ANP32B: variants seen among roughly 807,000 people sequenced by gnomAD.
The protein encoded by ANP32B is acidic leucine-rich nuclear phosphoprotein 32 family member B.
ANP32B carries 6 observed loss-of-function variants against 32.2 expected under a neutral mutation model. The observed-to-expected ratio is 0.19, with a 90% CI of 0.10 to 0.37. The LOEUF is 0.37. Among genes scored for constraint, ANP32B ranks in the 10% least tolerant of loss-of-function variants. The pLI is 1.00. For synonymous variants in ANP32B, 98 were observed against 105.8 expected (o/e 0.93, Z 0.45); for missense variants, 204 against 289.2 (o/e 0.71, Z 2.14).
At chr9:97,993,550 C>A (rs1316247134) in intron 1 of ANP32B, among the ~76,000 whole-genome samples, 16 of 152,196 alleles carry the variant, frequency 1.1e-4, no homozygotes, top group Admixed American at 1.0e-3. Flanking sequence ...TCAGGATGAT[C>A]ATAGAGCAAG....
chr9:97,985,048 G>C (rs2131578280), intron 1 of ANP32B, among the ~76,000 whole-genome samples: 1 of 150,296 alleles, frequency 6.7e-6, no homozygotes, highest in East Asian at 2.0e-4. Context: ...GGTTTAGCGC[G>C]GCTGCCCGCC....
At chr9:98,005,572 G>C (rs923728973) in intron 4 of ANP32B, among the ~76,000 whole-genome samples, 1 of 151,930 alleles carries the variant, frequency 6.6e-6, no homozygotes, top group Non-Finnish European at 1.5e-5. Context: ...GTGTGTGTTT[G>C]TGTGCGTGCG....
chr9:97,995,931 A>T (rs756271443), intron 2 of ANP32B, among the ~76,000 whole-genome samples: 239 of 113,756 alleles, frequency 2.1e-3, no homozygotes, highest in African/African-American at 0.01. Context: ...GTCTCGATTT[A>T]AAAAAAAAAA....
At chr9:97,983,824 G>A (rs561558147) in intron 1 of ANP32B, among the ~76,000 whole-genome samples, 11 of 152,112 alleles carry the variant, frequency 7.2e-5, no homozygotes, top group African/African-American at 2.4e-4. Context: ...GCCGGGGGGA[G>A]GCAGCGGTGT....
intron 2 of ANP32B, among the ~76,000 whole-genome samples, chr9:97,996,131 A>G (rs1827902458): frequency 6.6e-6 from 1 of 152,120 alleles, no homozygotes; most frequent in South Asian, 2.1e-4. Flanking sequence ...TTATATTTGC[A>G]TGGGTTATCA....
rs374883415 is a variant in ANP32B, at chr9:98,005,064, C to T, written c.428C>T (p.Thr143Ile). 6.2e-7 allele frequency: 1 copy of T among 1,613,890 alleles called. No individual in the cohort carries two copies. The change falls in exon 4 of 7, where the codon ACC becomes ATC. Residue 143 changes from threonine to isoleucine, a missense_variant. Transcript: ENST00000339399. ...ESVFKLLPQL[T>I]YLDGYDREDQ... ...GTCTTCAAGCTCCTGCCCCAGCTTACCTACTTGGATGGCTATGACCGAGAG... is the reference window on the plus strand; with the variant it reads ...GTCTTCAAGCTCCTGCCCCAGCTTATCTACTTGGATGGCTATGACCGAGAG...
At position 97,983,473 on chromosome 9, in the gene ANP32B, C is replaced by A. The variant is rs1319295771; in HGVS notation, c.-83C>A. ...GCCGCTAGCAAACCCTTCCGACGGC[C>A]CTCGCTGCGCAAGCCGGGACGCCTC... On this transcript the variant is annotated 5_prime_UTR_variant, in exon 1 of 7. Coordinates refer to ENST00000339399, the MANE Select transcript of ANP32B (RefSeq NM_006401.3). 1.5e-6 allele frequency: 2 copies of A among 1,295,958 alleles called. No homozygotes were observed. Among genetic ancestry groups the A allele is most frequent in the Non-Finnish European group, 1.1e-6 (1 of 929,182 alleles). 80.3% of individuals were successfully genotyped at this position (1,295,958 alleles called of 1,614,324 possible). A position where few individuals can be genotyped will look rare whatever the true frequency, so the allele number is the denominator to read the frequency against.
chr9:98,003,733 T>G (rs1828032098), intron 3 of ANP32B, among the ~76,000 whole-genome samples: 1 of 152,236 alleles, frequency 6.6e-6, no homozygotes, highest in Non-Finnish European at 1.5e-5. Flanking sequence ...GCATCAACAT[T>G]TATTTTTTTA....
At chr9:97,998,234 A>T (rs1827935158) in intron 2 of ANP32B, among the ~76,000 whole-genome samples, 1 of 152,228 alleles carries the variant, frequency 6.6e-6, no homozygotes, top group Non-Finnish European at 1.5e-5. Flanking sequence ...TCTGGCAGGT[A>T]TAGGGTATTA....
chr9:97,994,581 G>C (rs771358121), intron 1 of ANP32B, 50 bp from the exon 2 acceptor site: 4 of 1,563,432 alleles, frequency 2.6e-6, no homozygotes, highest in Non-Finnish European at 3.4e-6. Flanking sequence ...ATTGTTGTTT[G>C]TTTTCAATGT....
intron 6 of ANP32B, among the ~76,000 whole-genome samples, chr9:98,013,890 C>T (rs1047389503): frequency 6.6e-5 from 10 of 151,966 alleles, no homozygotes; most frequent in Non-Finnish European, 1.0e-4. Context: ...CATGGTGGTG[C>T]ACACCTATAG....
In ANP32B at chr9:97,984,932, G is replaced by C. The variant is rs1827686464; in HGVS notation, c.54+1323G>C. ...ACGTGCTTGAGAGCGGCCTGGTGCG[G>C]TCGGCCGCGCGCCTTGCGGGCTGTA... On this transcript the variant is annotated intron_variant, in intron 1 of 6. Transcript: ENST00000339399. 4.0e-5 allele frequency among the ~76,000 whole-genome samples: 6 copies of C among 151,062 alleles called. No individual in the cohort carries two copies. The South Asian group carries it at 1.2e-3, about 31-fold the overall frequency.
intron 6 of ANP32B, among the ~76,000 whole-genome samples, chr9:98,013,482 G>C (rs1262326985): frequency 6.6e-6 from 1 of 152,158 alleles, no homozygotes; most frequent in Admixed American, 6.5e-5. Context: ...CAGTTTCCCA[G>C]TTTTGTCAGT....
Position 98,015,746 on chromosome 9 carries a change from G to C in ANP32B, c.*315G>C. 1 of 1,017,648 alleles carries C rather than the reference G, an allele frequency of 9.8e-7. No homozygotes were observed. Among genetic ancestry groups the C allele is most frequent in the Non-Finnish European group, 1.2e-6 (1 of 850,616 alleles). 63.0% of individuals were successfully genotyped at this position (1,017,648 alleles called of 1,614,324 possible). Reference sequence around the variant, plus strand: ...ACCGTCTGTGGCTACCAGTTACACTGAGATTGTAACAGCATTTTTACTTTC... The same window carrying C: ...ACCGTCTGTGGCTACCAGTTACACTCAGATTGTAACAGCATTTTTACTTTC... On this transcript the variant is annotated 3_prime_UTR_variant, in exon 7 of 7. Transcript: ENST00000339399.
Position 97,983,482 on chromosome 9 carries a change from G to T in ANP32B, c.-74G>T. 7.3e-7 allele frequency: 1 copy of T among 1,373,776 alleles called. No individual in the cohort carries two copies. The highest frequency in any genetic ancestry group is 1.0e-6 in the Non-Finnish European group (1 of 999,004). 85.1% of individuals were successfully genotyped at this position (1,373,776 alleles called of 1,614,324 possible). ...AAACCCTTCCGACGGCCCTCGCTGCGCAAGCCGGGACGCCTCTCCCCCCTC... is the reference window on the plus strand; with the variant it reads ...AAACCCTTCCGACGGCCCTCGCTGCTCAAGCCGGGACGCCTCTCCCCCCTC... On this transcript the variant is annotated 5_prime_UTR_variant, in exon 1 of 7. Coordinates refer to ENST00000339399, the MANE Select transcript of ANP32B (RefSeq NM_006401.3).
chr9:97,994,883 C>T, intron 2 of ANP32B, 103 bp downstream of exon 2: 1 of 1,162,530 alleles, frequency 8.6e-7, no homozygotes, highest in Non-Finnish European at 1.2e-6. Flanking sequence ...AGCACATGGC[C>T]TTTGGAACTG....
At chr9:98,004,024 CTG>C (rs1184435568) in intron 3 of ANP32B, among the ~76,000 whole-genome samples, 1 of 152,200 alleles carries the variant, frequency 6.6e-6, no homozygotes, top group African/African-American at 2.4e-5. Context: ...TGTAGTACCT[CTG>C]CCCTCTCAAT....
chr9:97,984,196 G>GC (rs1827657315), intron 1 of ANP32B, among the ~76,000 whole-genome samples: 1 of 150,656 alleles, frequency 6.6e-6, no homozygotes, highest in Non-Finnish European at 1.5e-5. Context: ...GCCCCCTCGG[G>GC]CGCCTGGAGG....
In ANP32B at chr9:98,015,775, A is replaced by G. The variant is rs895272841; in HGVS notation, c.*344A>G. 4 of 994,688 alleles carry G rather than the reference A, an allele frequency of 4.0e-6. No individual in the cohort carries two copies. The African/African-American group carries it at 6.9e-5, about 17-fold the overall frequency. 61.6% of individuals were successfully genotyped at this position (994,688 alleles called of 1,614,324 possible). On this transcript the variant is annotated 3_prime_UTR_variant, in exon 7 of 7. Coordinates refer to ENST00000339399, the MANE Select transcript of ANP32B (RefSeq NM_006401.3). The stretch of plus-strand genomic sequence containing the variant: ...TTGTAACAGCATTTTTACTTTCTGT[A>G]CAACAAAAAAGCTTTGTAAATAAAA...
Sources: allele counts gnomAD v4.1 joint callset (sites outside exome capture counted in the v4.1 genomes callset), GRCh38; gene constraint gnomAD v4.1.1; transcripts MANE v1.5; gene names NCBI Gene and HGNC (gene_info 2026-07-23, HGNC 2026-07-21).